The following ARHGEF18 variants were observed in gnomAD, a reference collection of about 807,000 sequenced individuals.
ARHGEF18 encodes rho guanine nucleotide exchange factor 18.
Under a neutral mutation model 155.7 loss-of-function variants are expected in ARHGEF18, and 93 were observed. That is an observed-to-expected ratio of 0.60 (90% CI 0.50 to 0.71). The LOEUF is 0.71. Among genes scored for constraint, ARHGEF18 ranks in the 30% least tolerant of loss-of-function variants. The probability of loss-of-function intolerance (pLI) is 0.00; values close to 1 mark genes in which losing one functional copy is unlikely to be tolerated. For synonymous variants in ARHGEF18, 742 were observed against 753.1 expected (o/e 0.99, Z 0.24); for missense variants, 1,593 against 1,816.1 (o/e 0.88, Z 2.23).
chr19:7,443,335 G>A (rs564659908), intron 13 of ARHGEF18, among the ~76,000 whole-genome samples: 6 of 152,210 alleles, frequency 3.9e-5, no homozygotes, highest in South Asian at 2.1e-4. Flanking sequence ...GATTACAGGC[G>A]TCAGCCACCA....
downstream of ARHGEF18, chr19:7,477,274 G>A: frequency 6.3e-7 from 1 of 1,584,136 alleles, no homozygotes; most frequent in Non-Finnish European, 8.6e-7. Flanking sequence ...AGGAGATGGT[G>A]CCCATGAGGC....
At position 7,440,456 on chromosome 19, in the gene ARHGEF18, C is replaced by A. The variant is rs1974570280; in HGVS notation, c.1080C>A (p.Ser360Arg). ...AAGGGGGTCCCCAGCCAACACCGAG[C>A]CCGGCTGGCCCTGGGACGCAACTCG... is the stretch of plus-strand genomic sequence containing the variant. ...SQKGGPQPTP[S>R]PAGPGTQLGP... Residue 360 changes from serine to arginine, a missense_variant, in exon 11 of 29, where the codon AGC becomes AGA. Physicochemically the swap from Ser to Arg is moderately radical, Grantham distance 110. Transcript: ENST00000668164. The surrounding 1 kb of genome is among the most constrained non-coding windows in gnomAD (Gnocchi z 5.4). 3 of 1,599,544 alleles carry A rather than the reference C, an allele frequency of 1.9e-6. No homozygotes were observed. The highest frequency in any genetic ancestry group is 2.5e-6 in the Non-Finnish European group (3 of 1,179,534).
intron 14 of ARHGEF18, among the ~76,000 whole-genome samples, 154 bp from the exon 15 acceptor site, chr19:7,446,889 C>A: frequency 7.4e-6 from 1 of 134,252 alleles, no homozygotes. Flanking sequence ...GAGCAAGATG[C>A]TGTCTCAAAA....
chr19:7,349,489 G>A (rs1041306295), intron 1 of ARHGEF18, among the ~76,000 whole-genome samples: 1 of 151,944 alleles, frequency 6.6e-6, no homozygotes, highest in Non-Finnish European at 1.5e-5. Flanking sequence ...TAAGAAAGGA[G>A]GGTGGAGGCC....
intron 1 of ARHGEF18, among the ~76,000 whole-genome samples, chr19:7,356,271 CTT>C (rs111791378): frequency 0.11 from 14,931 of 139,838 alleles, 2,488 homozygotes; most frequent in African/African-American, 0.36. Context: ...GACACTTTTT[CTT>C]TTTTTTTTTT....
At chr19:7,437,893 T>TC (rs1260755123) in intron 10 of ARHGEF18, among the ~76,000 whole-genome samples, 2 of 151,930 alleles carry the variant, frequency 1.3e-5, no homozygotes, top group Non-Finnish European at 2.9e-5. Flanking sequence ...TCCACCCGCG[T>TC]CGGCCTTCCA....
chr19:7,428,321 G>A (rs1973770320), intron 10 of ARHGEF18, among the ~76,000 whole-genome samples: 2 of 152,156 alleles, frequency 1.3e-5, no homozygotes, highest in South Asian at 4.1e-4. Context: ...TGTCGGGCCA[G>A]GCGCCCACTT....
intron 1 of ARHGEF18, among the ~76,000 whole-genome samples, chr19:7,352,575 C>T (rs1313117613): frequency 8.2e-6 from 1 of 122,644 alleles, no homozygotes; most frequent in Non-Finnish European, 1.6e-5. Flanking sequence ...ACTCTGTCAC[C>T]CAGGCTGTCG....
chr19:7,372,263 G>T (rs990429609), intron 2 of ARHGEF18, among the ~76,000 whole-genome samples: 1 of 152,174 alleles, frequency 6.6e-6, no homozygotes, highest in African/African-American at 2.4e-5. Context: ...AACCTGGAGG[G>T]CATGCCCAAG....
chr19:7,473,623 A>G (rs1977128878), downstream of ARHGEF18, among the ~76,000 whole-genome samples: 1 of 151,996 alleles, frequency 6.6e-6, no homozygotes, highest in South Asian at 2.1e-4. Context: ...CATCCTGGCT[A>G]ACAAGGTGAA....
intron 10 of ARHGEF18, among the ~76,000 whole-genome samples, chr19:7,408,933 A>C (rs892448173): frequency 5.3e-5 from 8 of 151,760 alleles, no homozygotes; most frequent in Non-Finnish European, 1.0e-4. Flanking sequence ...GGTAGTGTGC[A>C]CCTATAGTCC....
At chr19:7,358,472 T>C (rs982216855) in intron 1 of ARHGEF18, among the ~76,000 whole-genome samples, 1 of 148,608 alleles carries the variant, frequency 6.7e-6, no homozygotes, top group African/African-American at 2.5e-5. Flanking sequence ...ATCCAACCAT[T>C]CACCCATCTG....
rs1974590591 is a variant in ARHGEF18 at position 7,440,755 on chromosome 19, C to G, written c.1106+273C>G. ...TGGACTCGCTCCTTAGGCCGGGCTC[C>G]TGACTTACTCAAGGCGATGCTCAAA... is the stretch of plus-strand genomic sequence containing the variant. On this transcript the variant is annotated intron_variant, in intron 11 of 28. Coordinates refer to ENST00000668164, the MANE Select transcript of ARHGEF18 (RefSeq NM_001367823.1). This position sits in a 1 kb window ranked among gnomAD's most constrained non-coding sequence, Gnocchi z 5.4. Among the ~76,000 whole-genome samples, 1 of 152,150 alleles carries G rather than the reference C, an allele frequency of 6.6e-6. No individual in the cohort carries two copies. The highest frequency in any genetic ancestry group is 2.1e-4 in the South Asian group (1 of 4,830).
At chr19:7,459,751 T>C in intron 19 of ARHGEF18, 152 bp from the exon 20 acceptor site, 1 of 629,812 alleles carries the variant, frequency 1.6e-6, no homozygotes, top group Middle Eastern at 2.6e-4. Flanking sequence ...TGGCTCTCTC[T>C]CTTCCCCTCC....
At chr19:7,396,179 G>A (rs190970899) in intron 10 of ARHGEF18, among the ~76,000 whole-genome samples, 5 of 152,302 alleles carry the variant, frequency 3.3e-5, no homozygotes, top group African/African-American at 1.2e-4. Context: ...GCTCTGTTGA[G>A]ATTAAAGCCT....
intron 10 of ARHGEF18, among the ~76,000 whole-genome samples, chr19:7,438,711 G>A (rs947876491): frequency 6.6e-6 from 1 of 151,142 alleles, no homozygotes; most frequent in Non-Finnish European, 1.5e-5. Flanking sequence ...GTGTCCGGCC[G>A]CCAGATTTCT....
chr19:7,413,047 G>C (rs1019966342), intron 10 of ARHGEF18, among the ~76,000 whole-genome samples: 1 of 152,048 alleles, frequency 6.6e-6, no homozygotes, highest in African/African-American at 2.4e-5. Flanking sequence ...TTCAGCCAGC[G>C]AATCAGGATC....
rs117344307 is a variant in ARHGEF18, at chr19:7,397,959, G to A, written c.967+14756G>A. 2.5e-4 allele frequency among the ~76,000 whole-genome samples: 38 copies of A among 152,248 alleles called. No homozygotes were observed. In the East Asian group the frequency reaches 5.4e-3, roughly 22 times the overall value. On this transcript the variant is annotated intron_variant, in intron 10 of 28. Transcript: ENST00000668164. The stretch of plus-strand genomic sequence containing the variant: ...TATTCTTGAAAAATGCAAGAGGAGC[G>A]GATGTTAAGCACTTTCACCACAAAA...
intron 10 of ARHGEF18, among the ~76,000 whole-genome samples, chr19:7,437,975 G>GCTCCT (rs1356260481): frequency 1.1e-4 from 17 of 148,840 alleles, no homozygotes; most frequent in African/African-American, 3.5e-4. Context: ...TCTTCTCTAA[G>GCTCCT]CTCCTCTCCT....
Sources: allele counts gnomAD v4.1 joint callset (sites outside exome capture counted in the v4.1 genomes callset), GRCh38; gene constraint gnomAD v4.1.1; non-coding constraint Gnocchi (gnomAD v3.1); transcripts MANE v1.5; gene names NCBI Gene and HGNC (gene_info 2026-07-23, HGNC 2026-07-21).